The following ADCY1 variants were observed in gnomAD, a reference collection of about 807,000 sequenced individuals.
The protein encoded by ADCY1 is adenylate cyclase type 1.
In ADCY1, 28 loss-of-function variants were observed where a neutral mutation model predicts 105.4. The observed-to-expected ratio is 0.27, with a 90% CI of 0.20 to 0.36. The LOEUF (loss-of-function observed/expected upper bound fraction) is 0.36, where lower values mean the gene tolerates loss of function less well. Among genes scored for constraint, ADCY1 ranks in the 10% least tolerant of loss-of-function variants. The pLI is 1.00. For synonymous variants in ADCY1, 655 were observed against 623.8 expected, an observed-to-expected ratio of 1.05 and a Z score of -0.75; for missense variants, 977 against 1,434.2, an observed-to-expected ratio of 0.68 and a Z score of 5.15.
At position 45,606,161 on chromosome 7, in the gene ADCY1, C is replaced by T. The variant is rs77730386; in HGVS notation, c.790-4218C>T. ...GGCTTGGGGGAGGAGAATGAGATCCCCTTGGTTCCCACTGACTCTGCAGAG... is the reference window on the plus strand; with the variant it reads ...GGCTTGGGGGAGGAGAATGAGATCCTCTTGGTTCCCACTGACTCTGCAGAG... On this transcript the variant is annotated intron_variant, in intron 2 of 19. Coordinates refer to ENST00000297323, the MANE Select transcript of ADCY1 (RefSeq NM_021116.4). Among the ~76,000 whole-genome samples the T allele has an allele frequency of 6.1e-3, 935 of 152,120 alleles. 9 individuals are homozygous for T. The highest frequency in any genetic ancestry group is 0.021 in the African/African-American group (887 of 41,496).
At chr7:45,696,020 G>C (rs1412728282) in intron 14 of ADCY1, among the ~76,000 whole-genome samples, 2 of 152,218 alleles carry the variant, frequency 1.3e-5, no homozygotes, top group East Asian at 3.8e-4. Flanking sequence ...TGAGGAAATG[G>C]AGCCTTCTGC....
At chr7:45,601,874 T>C (rs1702888579) in intron 2 of ADCY1, among the ~76,000 whole-genome samples, 1 of 151,842 alleles carries the variant, frequency 6.6e-6, no homozygotes, top group South Asian at 2.1e-4. Context: ...CCTCCAGCAG[T>C]GTGGATGGAG....
chr7:45,598,179 A>T (rs1469926454), intron 2 of ADCY1, among the ~76,000 whole-genome samples: 1 of 152,188 alleles, frequency 6.6e-6, no homozygotes, highest in African/African-American at 2.4e-5. Flanking sequence ...GGGCTCTGAA[A>T]ATTTAAATAA....
At chr7:45,677,587 G>A (rs768717795) in intron 8 of ADCY1, among the ~76,000 whole-genome samples, 2 of 152,132 alleles carry the variant, frequency 1.3e-5, no homozygotes, top group Admixed American at 1.3e-4. Context: ...CTGGGATGCT[G>A]TTCTCCCCAC....
At chr7:45,644,325 TCTGTG>T (rs1189755195) in intron 4 of ADCY1, among the ~76,000 whole-genome samples, 1 of 152,178 alleles carries the variant, frequency 6.6e-6, no homozygotes, top group Non-Finnish European at 1.5e-5. Flanking sequence ...AGACGTTACC[TCTGTG>T]CCCTTCTGGG....
chr7:45,619,579 A>G (rs532094846), intron 3 of ADCY1, among the ~76,000 whole-genome samples: 2 of 152,276 alleles, frequency 1.3e-5, no homozygotes, highest in East Asian at 1.9e-4. Context: ...AAAGAAGGAA[A>G]TCTTGCCATT....
At chr7:45,639,384 C>G (rs527952129) in intron 4 of ADCY1, among the ~76,000 whole-genome samples, 8 of 152,216 alleles carry the variant, frequency 5.3e-5, no homozygotes, top group Non-Finnish European at 1.2e-4. Flanking sequence ...TGTGGAGGGA[C>G]AGGGCCCCTT....
In ADCY1 at chr7:45,711,607, G is replaced by GTATATATATA. The variant is rs71030888; in HGVS notation, c.3057+984_3057+993dup. Among the ~76,000 whole-genome samples, 401 of 70,150 alleles carry GTATATATATA rather than the reference G, an allele frequency of 5.7e-3. 1 individual carries two copies. The highest frequency in any genetic ancestry group is 0.019 in the South Asian group (35 of 1,810). 46.0% of individuals were successfully genotyped at this position (70,150 alleles called of 152,430 possible). On this transcript the variant is annotated intron_variant, in intron 19 of 19. Transcript: ENST00000297323. ...CCATCCACCTCCAGAACTTCGTGCT[G>GTATATATATA]TATATATATATATATATATATATAT...
chr7:45,639,359 C>T (rs969891471), intron 4 of ADCY1, among the ~76,000 whole-genome samples: 1 of 152,234 alleles, frequency 6.6e-6, no homozygotes, highest in African/African-American at 2.4e-5. Flanking sequence ...GGCCCAGTCT[C>T]ATTCCACCTT....
At chr7:45,661,054 G>C (rs1795086895) in intron 7 of ADCY1, among the ~76,000 whole-genome samples, 1 of 152,140 alleles carries the variant, frequency 6.6e-6, no homozygotes, top group Admixed American at 6.5e-5. Flanking sequence ...CGATGCCTCA[G>C]GTGAGGGTGC....
At chr7:45,705,001 T>G (rs934664573) in intron 17 of ADCY1, among the ~76,000 whole-genome samples, 38 of 151,708 alleles carry the variant, frequency 2.5e-4, no homozygotes, top group Non-Finnish European at 1.6e-4. Context: ...ACTCTCCTTT[T>G]CCACAGTAGA....
chr7:45,699,596 C>T (rs961345845), intron 14 of ADCY1, among the ~76,000 whole-genome samples: 5 of 152,026 alleles, frequency 3.3e-5, no homozygotes, highest in African/African-American at 9.7e-5. Flanking sequence ...TGGTTGTGCA[C>T]CTCTGCTGGG....
chr7:45,713,181 G>A (rs1349542784), intron 19 of ADCY1, among the ~76,000 whole-genome samples: 3 of 152,284 alleles, frequency 2.0e-5, no homozygotes, highest in East Asian at 1.9e-4. Flanking sequence ...GGCTGTTGAG[G>A]TGCCAAGAGT....
At chr7:45,650,263 TCA>T (rs571557150) in intron 5 of ADCY1, among the ~76,000 whole-genome samples, 1 of 152,168 alleles carries the variant, frequency 6.6e-6, no homozygotes, top group South Asian at 2.1e-4. Context: ...ATATTATATA[TCA>T]CACGTCATAT....
chr7:45,602,764 C>T (rs929580215), intron 2 of ADCY1, among the ~76,000 whole-genome samples: 5 of 152,202 alleles, frequency 3.3e-5, no homozygotes, highest in Non-Finnish European at 7.3e-5. Flanking sequence ...AAAGTTCACT[C>T]AAATGCTTTT....
Position 45,707,518 on chromosome 7 carries a change from T to TG in ADCY1, c.2818-827dup, listed in dbSNP as rs1248370981. Among the ~76,000 whole-genome samples, 23 of 152,046 alleles carry TG rather than the reference T, an allele frequency of 1.5e-4. 1 individual carries two copies. The highest frequency in any genetic ancestry group is 1.5e-3 in the Admixed American group (23 of 15,260). ...AAAAGGATTAGTGGTTGCTGGGGGT[T>TG]GGGGGAAAGGTGGAATGAACAGACA... is the stretch of plus-strand genomic sequence containing the variant. On this transcript the variant is annotated intron_variant, in intron 17 of 19. Transcript: ENST00000297323.
At chr7:45,683,337 C>T (rs576195987) in intron 11 of ADCY1, among the ~76,000 whole-genome samples, 1 of 152,254 alleles carries the variant, frequency 6.6e-6, no homozygotes, top group African/African-American at 2.4e-5. Flanking sequence ...CAGTATATGA[C>T]TACATCTCAC....
chr7:45,649,407 A>C (rs147718590), intron 5 of ADCY1, among the ~76,000 whole-genome samples: 83 of 152,342 alleles, frequency 5.4e-4, no homozygotes, highest in African/African-American at 1.9e-3. Context: ...AGGCTGAGCT[A>C]ATGTATGGAG....
intron 6 of ADCY1, among the ~76,000 whole-genome samples, chr7:45,659,067 G>A (rs1350415206): frequency 6.6e-6 from 1 of 152,292 alleles, no homozygotes; most frequent in Middle Eastern, 3.4e-3. Context: ...TGGCCCCTTT[G>A]CAGCCTCTCT....
Sources: allele counts gnomAD v4.1 joint callset (sites outside exome capture counted in the v4.1 genomes callset), GRCh38; gene constraint gnomAD v4.1.1; transcripts MANE v1.5; gene names NCBI Gene and HGNC (gene_info 2026-07-23, HGNC 2026-07-21).